ZBTB20: variants seen among roughly 807,000 people sequenced by gnomAD.
ZBTB20 encodes the protein zinc finger and BTB domain-containing protein 20.
Under a neutral mutation model 56.9 loss-of-function variants are expected in ZBTB20, and 9 were observed. The observed-to-expected ratio is 0.16, with a 90% CI of 0.10 to 0.28. ZBTB20 has a LOEUF of 0.28. Among genes scored for constraint, ZBTB20 ranks in the 10% least tolerant of loss-of-function variants. ZBTB20 has a pLI of 1.00. For synonymous variants in ZBTB20, 417 were observed against 420.7 expected, an observed-to-expected ratio of 0.99 and a Z score of 0.11; for missense variants, 655 against 1,003.0, an observed-to-expected ratio of 0.65 and a Z score of 4.69.
At chr3:114,836,482 T>C (rs1579084905) in intron 4 of ZBTB20, among the ~76,000 whole-genome samples, 1 of 152,200 alleles carries the variant, frequency 6.6e-6, no homozygotes, top group Non-Finnish European at 1.5e-5. Context: ...CTACATACTG[T>C]AAACTAATTT....
At chr3:115,075,928 G>T (rs1341870134) in intron 1 of ZBTB20, among the ~76,000 whole-genome samples, 1 of 151,994 alleles carries the variant, frequency 6.6e-6, no homozygotes, top group African/African-American at 2.4e-5. Flanking sequence ...GAATTCAATA[G>T]AGTTGTAGGA....
intron 5 of ZBTB20, among the ~76,000 whole-genome samples, chr3:114,792,978 T>C (rs1238376055): frequency 1.3e-5 from 2 of 150,868 alleles, no homozygotes; most frequent in African/African-American, 4.9e-5. Context: ...TGGGTTTAAG[T>C]GATTCTCCTG....
In ZBTB20 at chr3:114,981,772, C is replaced by G. The variant is rs543911803; in HGVS notation, c.-506-7356G>C. On this transcript the variant is annotated intron_variant, in intron 2 of 11. Transcript: ENST00000675478. The stretch of plus-strand genomic sequence containing the variant: ...CTGAGCGGCAGAACCAGGATTTATG[C>G]CCCCGTCAATCTGGTTGCAGAGTTC... Among the ~76,000 whole-genome samples the G allele has an allele frequency of 4.8e-4, 73 of 152,084 alleles. 1 individual carries two copies. In the South Asian group the frequency reaches 0.014, roughly 28 times the overall value.
At chr3:115,071,121 C>T (rs2082395114) in intron 2 of ZBTB20, 98 bp downstream of exon 2, 1 of 151,996 alleles carries the variant, frequency 6.6e-6, no homozygotes, top group Non-Finnish European at 1.5e-5. Context: ...ACTGGAAATC[C>T]TAGCTTATAT....
intron 2 of ZBTB20, among the ~76,000 whole-genome samples, chr3:115,023,434 T>G (rs1029008393): frequency 4.6e-5 from 7 of 150,856 alleles, no homozygotes; most frequent in African/African-American, 1.7e-4. Context: ...CTTTCTCAGC[T>G]CTCATGTCTG....
At chr3:114,576,362 C>T (rs1472392979) in intron 6 of ZBTB20, among the ~76,000 whole-genome samples, 7 of 151,006 alleles carry the variant, frequency 4.6e-5, no homozygotes, top group Admixed American at 2.6e-4. Context: ...ATTAGCCAGG[C>T]GTGGTGGCGG....
chr3:114,550,038 T>C (rs997922046), intron 6 of ZBTB20, among the ~76,000 whole-genome samples: 8 of 151,912 alleles, frequency 5.3e-5, no homozygotes, highest in East Asian at 1.9e-4. Context: ...CCTGGGTTCA[T>C]GCCATTCTCC....
At chr3:114,817,805 C>A (rs915225428) in intron 4 of ZBTB20, among the ~76,000 whole-genome samples, 4 of 152,014 alleles carry the variant, frequency 2.6e-5, no homozygotes, top group African/African-American at 4.8e-5. Context: ...TTCATTCATG[C>A]ACACTATGTA....
intron 2 of ZBTB20, among the ~76,000 whole-genome samples, chr3:115,001,644 C>A (rs779212735): frequency 1.3e-5 from 2 of 150,678 alleles, no homozygotes; most frequent in African/African-American, 4.9e-5. Flanking sequence ...AACACCTACA[C>A]TAAAACCAAA....
chr3:114,434,946 C>T (rs186456565), intron 7 of ZBTB20, among the ~76,000 whole-genome samples: 96 of 152,206 alleles, frequency 6.3e-4, no homozygotes, highest in Non-Finnish European at 1.1e-3. Context: ...GAGAGATGAG[C>T]GGTTCTAGCT....
intron 1 of ZBTB20, among the ~76,000 whole-genome samples, chr3:115,146,605 G>A (rs565494744): frequency 4.6e-4 from 70 of 152,362 alleles, no homozygotes; most frequent in African/African-American, 1.6e-3. Context: ...AAGCGAAGCA[G>A]GCGGGGGCCG....
intron 3 of ZBTB20, among the ~76,000 whole-genome samples, chr3:114,918,068 C>T (rs1286488760): frequency 6.6e-6 from 1 of 152,138 alleles, no homozygotes; most frequent in Non-Finnish European, 1.5e-5. Flanking sequence ...CATTCTACTG[C>T]AGCTGAGCTG....
intron 10 of ZBTB20, among the ~76,000 whole-genome samples, chr3:114,368,723 G>A (rs1256518956): frequency 6.6e-6 from 1 of 152,248 alleles, no homozygotes; most frequent in Non-Finnish European, 1.5e-5. Flanking sequence ...TCTGGAGCAG[G>A]GCTGGAAGTG....
intron 6 of ZBTB20, among the ~76,000 whole-genome samples, chr3:114,502,447 T>C (rs1436493770): frequency 6.6e-6 from 1 of 151,942 alleles, no homozygotes; most frequent in East Asian, 1.9e-4. Context: ...TGCAGGATGG[T>C]GACAAGACGA....
At position 114,338,828 on chromosome 3, in the gene ZBTB20, G is replaced by GTA; in HGVS notation, c.*175_*176dup. Reference sequence around the variant, plus strand: ...TCACCCAAGCCTCCGGAAATGTAATGTACCAGCAGGCAAAAAACAGTTCTT... The same window carrying GTA: ...TCACCCAAGCCTCCGGAAATGTAATGTATACCAGCAGGCAAAAAACAGTTCTT... On this transcript the variant is annotated 3_prime_UTR_variant, in exon 12 of 12. Transcript: ENST00000675478. The GTA allele has an allele frequency of 1.5e-6, 1 of 660,284 alleles. No homozygotes were observed. Among genetic ancestry groups the GTA allele is most frequent in the Non-Finnish European group, 2.3e-6 (1 of 427,750 alleles). The allele number at this position is 660,284 out of a possible 1,614,324, so 40.9% of individuals were successfully genotyped here.
chr3:114,824,845 A>G (rs938055635), intron 4 of ZBTB20, among the ~76,000 whole-genome samples: 1 of 151,946 alleles, frequency 6.6e-6, no homozygotes, highest in African/African-American at 2.4e-5. Context: ...ATTTTTCATT[A>G]GCTTATATTT....
chr3:115,066,322 G>C (rs1431367280), intron 2 of ZBTB20, among the ~76,000 whole-genome samples: 2 of 151,636 alleles, frequency 1.3e-5, no homozygotes, highest in South Asian at 4.2e-4. Flanking sequence ...CATCTTGAGA[G>C]TCATCCTAAA....
chr3:115,097,975 C>T (rs2083440240), intron 1 of ZBTB20, among the ~76,000 whole-genome samples: 1 of 152,098 alleles, frequency 6.6e-6, no homozygotes, highest in South Asian at 2.1e-4. Context: ...CAAAAGAAAA[C>T]ATATACACAT....
At chr3:114,634,056 A>C (rs1164602704) in intron 6 of ZBTB20, among the ~76,000 whole-genome samples, 1 of 152,188 alleles carries the variant, frequency 6.6e-6, no homozygotes, top group East Asian at 1.9e-4. Flanking sequence ...TCCATTCGTT[A>C]ACATATGTTG....
Sources: allele counts gnomAD v4.1 joint callset (sites outside exome capture counted in the v4.1 genomes callset), GRCh38; gene constraint gnomAD v4.1.1; transcripts MANE v1.5; gene names NCBI Gene and HGNC (gene_info 2026-07-23, HGNC 2026-07-21).